The following CHRNA3 variants were observed in gnomAD, a reference collection of about 807,000 sequenced individuals.
CHRNA3 encodes neuronal acetylcholine receptor subunit alpha-3.
CHRNA3 carries 34 observed loss-of-function variants against 41.9 expected under a neutral mutation model. The ratio of observed to expected loss-of-function variants is 0.81; its 90% CI spans 0.62 to 1.08. The LOEUF (loss-of-function observed/expected upper bound fraction) is 1.08, where lower values mean the gene tolerates loss of function less well. CHRNA3 is among the 50% of genes least tolerant of loss of function. CHRNA3 has a pLI of 0.00. For missense variants in CHRNA3, 542 were observed against 638.3 expected (o/e 0.85, Z 1.63); for synonymous variants, 281 against 265.2 (o/e 1.06, Z -0.58).
chr15:78,606,437 T>C (rs1042079336), intron 4 of CHRNA3, among the ~76,000 whole-genome samples: 1 of 150,788 alleles, frequency 6.6e-6, no homozygotes, highest in Admixed American at 6.6e-5. Flanking sequence ...CTGACGATAA[T>C]CTGATATTAC....
rs2053117458 is a variant in CHRNA3, at chr15:78,596,695, T to TC, written c.1426dup (p.Asp476GlyfsTer53). Reference sequence around the variant, plus strand: ...GGTGAAAACCCACAGAAAAATACGATCAATCACCATGGCAACATACTTCCA... The same window carrying TC: ...GGTGAAAACCCACAGAAAAATACGATCCAATCACCATGGCAACATACTTCCA... On this transcript the variant is annotated frameshift_variant, in exon 6 of 6. Transcript: ENST00000326828. LOFTEE classifies it high-confidence loss of function. 1 of 1,612,426 alleles carries TC rather than the reference T, an allele frequency of 6.2e-7. No homozygotes were observed. The highest frequency in any genetic ancestry group is 8.5e-7 in the Non-Finnish European group (1 of 1,179,744).
At position 78,601,470 on chromosome 15, in the gene CHRNA3, C is replaced by T. The variant is rs776712651; in HGVS notation, c.1172G>A (p.Cys391Tyr). ...GTCCTGGCAGGGGTAGCCCTCCTTG[C>T]AGCCTTTGGACTCTGCGCGGCTGAA... ...NCFSRAESKGCKEGYPCQDGM... is the reference protein window; with the variant it reads ...NCFSRAESKGYKEGYPCQDGM... Residue 391 changes from cysteine to tyrosine, a missense_variant, in exon 5 of 6, where the codon TGC becomes TAC. Physicochemically the swap from Cys to Tyr is radical, Grantham distance 194 (BLOSUM62 -2). Coordinates refer to ENST00000326828, the MANE Select transcript of CHRNA3 (RefSeq NM_000743.5). The T allele has an allele frequency of 6.2e-7, 1 of 1,614,172 alleles. No individual in the cohort carries two copies. The highest frequency in any genetic ancestry group is 1.1e-5 in the South Asian group (1 of 91,086).
Position 78,601,864 on chromosome 15 carries a change from C to T in CHRNA3, c.778G>A (p.Val260Met). The T allele has an allele frequency of 6.2e-7, 1 of 1,614,014 alleles. No homozygotes were observed. Among genetic ancestry groups the T allele is most frequent in the African/African-American group, 1.3e-5 (1 of 75,000 alleles). ...TCGGAGGGCAGGTAGAAGACGAGCA[C>T]AGTGAGGAAGGAGATGAGCAGGCAG... ...IPCLLISFLTVLVFYLPSDCG... is the reference protein window; with the variant it reads ...IPCLLISFLTMLVFYLPSDCG... Residue 260 changes from valine (V) to methionine (M), a missense_variant, in exon 5 of 6, where the codon GTG (valine) becomes ATG (methionine). By Grantham distance (21) the Val-to-Met change is conservative. Transcript: ENST00000326828.
chr15:78,605,934 G>A (rs1029654012), intron 4 of CHRNA3, among the ~76,000 whole-genome samples: 15 of 152,154 alleles, frequency 9.9e-5, no homozygotes, highest in Admixed American at 3.3e-4. Context: ...GGTAACTACC[G>A]TCTTCTCCTA....
chr15:78,602,791 G>A (rs1215796468), intron 4 of CHRNA3, among the ~76,000 whole-genome samples: 1 of 152,074 alleles, frequency 6.6e-6, no homozygotes, highest in Non-Finnish European at 1.5e-5. Context: ...CTTGTCAGAT[G>A]GATTTACTTC....
At chr15:78,608,640 G>GTTTC (rs1464120497) in intron 4 of CHRNA3, among the ~76,000 whole-genome samples, 6 of 152,208 alleles carry the variant, frequency 3.9e-5, no homozygotes, top group African/African-American at 9.7e-5. Context: ...AAAAAACAGA[G>GTTTC]CAGAAAAACT....
chr15:78,601,693 A>G lies in CHRNA3; in HGVS notation c.949T>C (p.Leu317=), dbSNP rs1567076663. The G allele has an allele frequency of 6.2e-7, 1 of 1,614,158 alleles. No individual in the cohort carries two copies. The change falls in exon 5 of 6, where the codon TTG becomes CTG. Residue 317 remains leucine (L), a synonymous_variant. Transcript: ENST00000326828. ...ACGAAGACGGTGATGACGATGGACA[A>G]GGTTACAAAAATCATGGTGAACAGG... ...YLLFTMIFVT[L]SIVITVFVLN... is the part of the protein sequence containing the mutation.
intron 1 of CHRNA3, chr15:78,619,705 C>T (rs958754575): frequency 6.6e-6 from 1 of 152,484 alleles, no homozygotes; most frequent in Non-Finnish European, 1.5e-5. Context: ...CTCTTTGTTC[C>T]TAAGCCACAC....
Position 78,595,344 on chromosome 15 carries a change from A to G in CHRNA3, c.*1260T>C. Reference sequence around the variant, plus strand: ...TCCATTTTATTTTTGCACAGGAAAAACTAGTGAGACAAGATTCAAACAGTC... The same window carrying G: ...TCCATTTTATTTTTGCACAGGAAAAGCTAGTGAGACAAGATTCAAACAGTC... On this transcript the variant is annotated 3_prime_UTR_variant, in exon 6 of 6. Transcript: ENST00000326828. The G allele has an allele frequency of 1.0e-6, 1 of 967,344 alleles. No individual in the cohort carries two copies. The highest frequency in any genetic ancestry group is 1.2e-6 in the Non-Finnish European group (1 of 825,636). The allele number at this position is 967,344 out of a possible 1,614,324, so 59.9% of individuals were successfully genotyped here.
intron 4 of CHRNA3, among the ~76,000 whole-genome samples, chr15:78,604,070 C>T (rs936688843): frequency 3.3e-5 from 5 of 152,116 alleles, no homozygotes; most frequent in East Asian, 1.9e-4. Context: ...AATGTCAGAG[C>T]GGCAAGGGAG....
intron 4 of CHRNA3, among the ~76,000 whole-genome samples, chr15:78,603,267 G>A (rs929949786): frequency 1.3e-5 from 2 of 152,150 alleles, no homozygotes; most frequent in African/African-American, 2.4e-5. Flanking sequence ...TGCCCACCTC[G>A]GCCTCCCAAA....
chr15:78,596,539 C>A lies in CHRNA3; in HGVS notation c.*65G>T. The A allele has an allele frequency of 7.3e-7, 1 of 1,377,070 alleles. No individual in the cohort carries two copies. Among genetic ancestry groups the A allele is most frequent in the Non-Finnish European group, 9.4e-7 (1 of 1,059,834 alleles). 85.3% of individuals were successfully genotyped at this position (1,377,070 alleles called of 1,614,324 possible). On this transcript the variant is annotated 3_prime_UTR_variant, in exon 6 of 6. Coordinates refer to ENST00000326828, the MANE Select transcript of CHRNA3 (RefSeq NM_000743.5). ...CTTGATAACAGAAAGTACGTTCTTA[C>A]TAGGAAGCAGCCTCCTCCTGCCCTG...
intron 4 of CHRNA3, among the ~76,000 whole-genome samples, chr15:78,616,355 C>T (rs1221870943): frequency 8.7e-6 from 1 of 115,088 alleles, no homozygotes; most frequent in Non-Finnish European, 1.8e-5. Flanking sequence ...AGTCTTCCCC[C>T]CCCCACCCCC....
chr15:78,606,020 A>G (rs931351401), intron 4 of CHRNA3, among the ~76,000 whole-genome samples: 1 of 152,112 alleles, frequency 6.6e-6, no homozygotes, highest in Non-Finnish European at 1.5e-5. Flanking sequence ...TTATGAAAAC[A>G]TATTGTAAGA....
At position 78,602,146 on chromosome 15, in the gene CHRNA3, A is replaced by C. The variant is rs2053214262; in HGVS notation, c.496T>G (p.Phe166Val). Residue 166 changes from phenylalanine (F) to valine (V), a missense_variant, in exon 5 of 6, where the codon TTC becomes GTC. Coordinates refer to ENST00000326828, the MANE Select transcript of CHRNA3 (RefSeq NM_000743.5). ...GTACAGTTTTGGTAATCAAACGGGA[A>C]GTAGGTCACGTCGATTTTACAGGAG... ...KSSCKIDVTY[F>V]PFDYQNCTMK... is the part of the protein sequence containing the mutation. The C allele has an allele frequency of 4.3e-6, 7 of 1,614,016 alleles. No homozygotes were observed. Among genetic ancestry groups the C allele is most frequent in the Non-Finnish European group, 5.9e-6 (7 of 1,180,030 alleles).
chr15:78,618,702 A>T, intron 2 of CHRNA3, 41 bp from the exon 3 acceptor site: 1 of 1,611,192 alleles, frequency 6.2e-7, no homozygotes, highest in Non-Finnish European at 8.5e-7. Context: ...ATTACAAAAC[A>T]AGACTAATTC....
At chr15:78,618,685 C>G (rs2053502412) in intron 2 of CHRNA3, 24 bp from the exon 3 acceptor site, 1 of 1,612,962 alleles carries the variant, frequency 6.2e-7, no homozygotes, top group African/African-American at 1.3e-5. Context: ...TTAAAGTTGA[C>G]AGGAGAATTA....
chr15:78,593,360 A>C, downstream of CHRNA3: 1 of 1,157,830 alleles, frequency 8.6e-7, no homozygotes, highest in Non-Finnish European at 1.2e-6. Context: ...TGCAAGCTTT[A>C]ACAGACTAAG....
At position 78,601,462 on chromosome 15, in the gene CHRNA3, C is replaced by T; in HGVS notation, c.1180G>A (p.Gly394Ser). ...SRAESKGCKE[G>S]YPCQDGMCGY... ...CACATCCCGTCCTGGCAGGGGTAGCCCTCCTTGCAGCCTTTGGACTCTGCG... is the reference window on the plus strand; with the variant it reads ...CACATCCCGTCCTGGCAGGGGTAGCTCTCCTTGCAGCCTTTGGACTCTGCG... The change falls in exon 5 of 6, where the codon GGC becomes AGC. Residue 394 changes from glycine to serine, a missense_variant. Coordinates refer to ENST00000326828, the MANE Select transcript of CHRNA3 (RefSeq NM_000743.5). 1 of 1,614,096 alleles carries T rather than the reference C, an allele frequency of 6.2e-7. No homozygotes were observed. Among genetic ancestry groups the T allele is most frequent in the Non-Finnish European group, 8.5e-7 (1 of 1,180,022 alleles).
Sources: gnomAD v4.1 joint callset for allele counts (sites outside exome capture counted in the v4.1 genomes callset) on GRCh38, gnomAD v4.1.1 for gene constraint, MANE v1.5 for transcripts, NCBI Gene and HGNC (gene_info 2026-07-23, HGNC 2026-07-21) for gene names.